Variants in BLVRA observed in about 807,000 individuals in gnomAD.
BLVRA encodes the protein BVR A.
BLVRA carries 22 observed loss-of-function variants against 32.8 expected under a neutral mutation model. The ratio of observed to expected loss-of-function variants is 0.67; its 90% CI spans 0.48 to 0.96. The LOEUF (loss-of-function observed/expected upper bound fraction) is 0.96. BLVRA is among the 40% of genes least tolerant of loss of function. BLVRA has a pLI of 0.00. For missense variants in BLVRA, 323 were observed against 358.1 expected (o/e 0.90, Z 0.79); for synonymous variants, 119 against 141.3 (o/e 0.84, Z 1.12).
chr7:43,783,640 A>G (rs992801770), intron 2 of BLVRA, among the ~76,000 whole-genome samples: 5 of 152,088 alleles, frequency 3.3e-5, no homozygotes, highest in Admixed American at 6.6e-5. Context: ...GTGTAGCTCT[A>G]TAGGACACAT....
intron 1 of BLVRA, among the ~76,000 whole-genome samples, chr7:43,770,297 T>C (rs2095753110): frequency 6.6e-6 from 1 of 152,204 alleles, no homozygotes; most frequent in Non-Finnish European, 1.5e-5. Flanking sequence ...GTGGTGATTC[T>C]AGTGGCTCTA....
chr7:43,777,825 G>A (rs1428106608), intron 2 of BLVRA, among the ~76,000 whole-genome samples: 1 of 152,124 alleles, frequency 6.6e-6, no homozygotes, highest in Non-Finnish European at 1.5e-5. Context: ...CATATTTCTT[G>A]GAGACTTTGT....
chr7:43,761,896 A>G (rs1394102078), intron 1 of BLVRA, among the ~76,000 whole-genome samples: 1 of 152,234 alleles, frequency 6.6e-6, no homozygotes, highest in Admixed American at 6.5e-5. Flanking sequence ...TTTGATGTAT[A>G]TATTTCCAGA....
chr7:43,771,306 G>A, intron 2 of BLVRA, 136 bp downstream of exon 2: 1 of 1,047,410 alleles, frequency 9.5e-7, no homozygotes. Flanking sequence ...CTACTGAAGT[G>A]CACGTGGTTC....
chr7:43,775,084 A>C (rs1232150290), intron 2 of BLVRA, among the ~76,000 whole-genome samples: 3 of 152,116 alleles, frequency 2.0e-5, no homozygotes, highest in African/African-American at 7.2e-5. Context: ...GTCATCTGCA[A>C]ACAGGGACAA....
chr7:43,771,282 A>G (rs1426282744), intron 2 of BLVRA, 112 bp downstream of exon 2: 5 of 1,292,556 alleles, frequency 3.9e-6, no homozygotes, highest in Non-Finnish European at 5.6e-6. Context: ...ACTTGAGAAC[A>G]TTTCCCCTCT....
Position 43,792,735 on chromosome 7 carries a change from A to T in BLVRA, c.275A>T (p.Lys92Met), listed in dbSNP as rs1204176910. Residue 92 changes from lysine (K) to methionine (M), a missense_variant, in exon 5 of 8, where the codon AAG becomes ATG. Coordinates refer to ENST00000265523, the MANE Select transcript of BLVRA (RefSeq NM_000712.4). ...DYIRQFLNAG[K>M]HVLVEYPMTL... is the part of the protein sequence containing the mutation. Reference sequence around the variant, plus strand: ...CAAAGGCAGTTCCTTAATGCTGGCAAGCACGTCCTTGTGGAATACCCCATG... The same window carrying T: ...CAAAGGCAGTTCCTTAATGCTGGCATGCACGTCCTTGTGGAATACCCCATG... The T allele has an allele frequency of 6.2e-7, 1 of 1,614,206 alleles. No individual in the cohort carries two copies. The highest frequency in any genetic ancestry group is 1.7e-5 in the Admixed American group (1 of 60,026).
intron 6 of BLVRA, among the ~76,000 whole-genome samples, chr7:43,801,219 A>G (rs1023219193): frequency 6.6e-6 from 1 of 151,856 alleles, no homozygotes; most frequent in African/African-American, 2.4e-5. Context: ...CTCATCTCAA[A>G]CTCCTGGGCT....
chr7:43,773,546 C>T (rs1376663445), intron 2 of BLVRA, among the ~76,000 whole-genome samples: 2 of 152,154 alleles, frequency 1.3e-5, no homozygotes, highest in Non-Finnish European at 2.9e-5. Flanking sequence ...CATTGATGGA[C>T]ATTTGGGTTG....
At chr7:43,775,610 T>C (rs2095759868) in intron 2 of BLVRA, among the ~76,000 whole-genome samples, 1 of 152,188 alleles carries the variant, frequency 6.6e-6, no homozygotes, top group African/African-American at 2.4e-5. Context: ...TCTTTTTTGG[T>C]TGTGTCTCTG....
intron 5 of BLVRA, among the ~76,000 whole-genome samples, chr7:43,797,004 C>A (rs867223506): frequency 2.5e-4 from 38 of 152,332 alleles, no homozygotes; most frequent in African/African-American, 8.7e-4. Context: ...CCACAGCCAC[C>A]GTCAGTAACC....
chr7:43,788,057 C>A, intron 3 of BLVRA, 32 bp downstream of exon 3: 1 of 1,614,170 alleles, frequency 6.2e-7, no homozygotes, highest in Non-Finnish European at 8.5e-7. Flanking sequence ...CTTCATAATT[C>A]ATGGAAAGCC....
intron 6 of BLVRA, among the ~76,000 whole-genome samples, chr7:43,802,666 T>C (rs779643263): frequency 1.3e-5 from 2 of 152,006 alleles, no homozygotes; most frequent in African/African-American, 4.8e-5. Context: ...ACCCGCCTAA[T>C]TTTGTGTGTT....
chr7:43,762,543 GGAATGT>G (rs1324165603), intron 1 of BLVRA, among the ~76,000 whole-genome samples: 10 of 150,702 alleles, frequency 6.6e-5, no homozygotes, highest in African/African-American at 2.0e-4. Context: ...CGTGCAAATT[GGAATGT>G]GAAACTCTAG....
chr7:43,778,042 A>T (rs1200919603), intron 2 of BLVRA, among the ~76,000 whole-genome samples: 2 of 152,004 alleles, frequency 1.3e-5, no homozygotes, highest in South Asian at 4.2e-4. Flanking sequence ...TTATACATTC[A>T]TCTAATTTTT....
At chr7:43,761,854 T>G (rs188566743) in intron 1 of BLVRA, among the ~76,000 whole-genome samples, 82 of 152,346 alleles carry the variant, frequency 5.4e-4, no homozygotes, top group Non-Finnish European at 9.6e-4. Context: ...ACTAAAAGTT[T>G]CACCACTTAG....
chr7:43,774,975 T>G (rs1188388059), intron 2 of BLVRA, among the ~76,000 whole-genome samples: 1 of 152,246 alleles, frequency 6.6e-6, no homozygotes, highest in Non-Finnish European at 1.5e-5. Flanking sequence ...CTTGTGATTT[T>G]TGTACATTGA....
chr7:43,762,906 C>T (rs184872958), intron 1 of BLVRA, among the ~76,000 whole-genome samples: 2 of 152,034 alleles, frequency 1.3e-5, no homozygotes, highest in African/African-American at 2.4e-5. Context: ...CATGAGCCAC[C>T]GTGCCCGGCC....
chr7:43,775,828 G>A (rs2095760183), intron 2 of BLVRA, among the ~76,000 whole-genome samples: 1 of 152,114 alleles, frequency 6.6e-6, no homozygotes, highest in South Asian at 2.1e-4. Flanking sequence ...GCCTGTTATT[G>A]GTCTATTCAG....
Sources: allele counts gnomAD v4.1 joint callset (sites outside exome capture counted in the v4.1 genomes callset), GRCh38; gene constraint gnomAD v4.1.1; transcripts MANE v1.5; gene names NCBI Gene and HGNC (gene_info 2026-07-23, HGNC 2026-07-21).